The following EPB41 variants were observed in gnomAD, a reference collection of about 807,000 sequenced individuals.
EPB41 encodes the protein erythrocyte membrane protein band 4.1.
Under a neutral mutation model 108.0 loss-of-function variants are expected in EPB41, and 65 were observed. The ratio of observed to expected loss-of-function variants is 0.60; its 90% confidence interval spans 0.49 to 0.74. EPB41 has a LOEUF of 0.74. Ranked by LOEUF, EPB41 falls within the 30% of genes least tolerant of loss-of-function variation. The probability of loss-of-function intolerance (pLI) is 0.00; values close to 1 mark genes in which losing one functional copy is unlikely to be tolerated. For synonymous variants in EPB41, 336 were observed against 358.9 expected (o/e 0.94, Z 0.72); for missense variants, 875 against 1,037.0 (o/e 0.84, Z 2.15).
chr1:29,031,465 T>C (rs965754200), intron 8 of EPB41, among the ~76,000 whole-genome samples: 11 of 152,294 alleles, frequency 7.2e-5, no homozygotes, highest in African/African-American at 2.6e-4. Flanking sequence ...CATGCCTGAA[T>C]CTGAGAACCA....
rs189686966 is a variant in EPB41 at position 29,115,501 on chromosome 1, C to G, written c.2497-198C>G. 9.9e-4 allele frequency among the ~76,000 whole-genome samples: 151 copies of G among 152,322 alleles called. No homozygotes were observed. Among genetic ancestry groups the G allele is most frequent in the South Asian group, 1.7e-3 (8 of 4,832 alleles). ...AAGACAGCGCTAACCTTCCCTGTCC[C>G]TGTGTTATCAGTCCAGAAGCCTCCC... On this transcript the variant is annotated intron_variant, in intron 19 of 20. Coordinates refer to ENST00000343067, the MANE Select transcript of EPB41 (RefSeq NM_001376013.1). This position sits in a 1 kb window ranked among gnomAD's most constrained non-coding sequence, Gnocchi z 4.4.
intron 16 of EPB41, among the ~76,000 whole-genome samples, chr1:29,087,095 C>T (rs1659328704): frequency 6.6e-6 from 1 of 151,756 alleles, no homozygotes; most frequent in Non-Finnish European, 1.5e-5. Flanking sequence ...GCGCCCGCCA[C>T]CATGCCCGGC....
At chr1:29,036,880 C>T (rs1259911464) in intron 10 of EPB41, among the ~76,000 whole-genome samples, 1 of 151,748 alleles carries the variant, frequency 6.6e-6, no homozygotes, top group Non-Finnish European at 1.5e-5. Context: ...CGAGGTTTCA[C>T]TGTGTTAGCC....
At chr1:28,931,691 G>A (rs2093755692) in intron 1 of EPB41, among the ~76,000 whole-genome samples, 1 of 151,678 alleles carries the variant, frequency 6.6e-6, no homozygotes, top group Non-Finnish European at 1.5e-5. Flanking sequence ...ACCACGTCTG[G>A]CTGATTTTTT....
At chr1:29,007,375 G>C (rs751013339) in intron 4 of EPB41, among the ~76,000 whole-genome samples, 1 of 152,114 alleles carries the variant, frequency 6.6e-6, no homozygotes, top group Non-Finnish European at 1.5e-5. Context: ...ACATCTCACC[G>C]TAAACATTTC....
chr1:29,021,166 C>T (rs960020890), intron 7 of EPB41, among the ~76,000 whole-genome samples: 85 of 152,248 alleles, frequency 5.6e-4, no homozygotes, highest in African/African-American at 1.9e-3. Flanking sequence ...GTTAGGACAA[C>T]GGTTCTCAAA....
chr1:28,903,754 T>C (rs1184739721), intron 1 of EPB41, among the ~76,000 whole-genome samples: 1 of 152,104 alleles, frequency 6.6e-6, no homozygotes, highest in Non-Finnish European at 1.5e-5. Context: ...CTCCACTTTA[T>C]AGAAAAGGAA....
intron 11 of EPB41, among the ~76,000 whole-genome samples, chr1:29,045,107 G>A (rs1321058511): frequency 6.6e-6 from 1 of 151,994 alleles, no homozygotes; most frequent in East Asian, 1.9e-4. Flanking sequence ...CTTATATATT[G>A]TAGAATCAGA....
intron 1 of EPB41, among the ~76,000 whole-genome samples, chr1:28,932,307 G>C (rs1442315192): frequency 1.3e-5 from 2 of 152,004 alleles, no homozygotes; most frequent in Non-Finnish European, 2.9e-5. Context: ...ATTTTTAGTA[G>C]AGATGGAGTT....
At chr1:29,030,161 A>C (rs371726800) in intron 7 of EPB41, among the ~76,000 whole-genome samples, 2 of 152,114 alleles carry the variant, frequency 1.3e-5, no homozygotes, top group Non-Finnish European at 2.9e-5. Context: ...TTTTTTTTGC[A>C]GCTTTTTGGT....
Position 29,003,643 on chromosome 1 carries a change from T to C in EPB41, c.786+6324T>C, listed in dbSNP as rs151229108. Among the ~76,000 whole-genome samples, 5 of 152,328 alleles carry C rather than the reference T, an allele frequency of 3.3e-5. No homozygotes were observed. The East Asian group carries it at 9.6e-4, about 29-fold the overall frequency. The stretch of plus-strand genomic sequence containing the variant: ...CTTCTGTCATTAAGAGCTTTGTGCT[T>C]TGTTTGTAGACAATTGAGTACATTT... On this transcript the variant is annotated intron_variant, in intron 4 of 20. Transcript: ENST00000343067.
At chr1:28,901,369 C>T (rs561935574) in intron 1 of EPB41, among the ~76,000 whole-genome samples, 7 of 151,420 alleles carry the variant, frequency 4.6e-5, no homozygotes, top group African/African-American at 1.5e-4. Flanking sequence ...GGACTACAGG[C>T]GTGCGCCACC....
chr1:28,972,602 G>A (rs1349719394), intron 1 of EPB41, among the ~76,000 whole-genome samples: 1 of 151,870 alleles, frequency 6.6e-6, no homozygotes, highest in African/African-American at 2.4e-5. Context: ...AGTATGGCAA[G>A]CAGTTTTTTT....
At chr1:28,967,013 C>CTTTTTTTTTTT in intron 1 of EPB41, among the ~76,000 whole-genome samples, 1 of 85,368 alleles carries the variant, frequency 1.2e-5, no homozygotes, top group African/African-American at 4.7e-5. Flanking sequence ...ATATGAGAAC[C>CTTTTTTTTTTT]TTTTTTTTTT....
In EPB41 at chr1:29,058,630, T is replaced by G; in HGVS notation, c.1887T>G (p.Asn629Lys). 1 of 1,613,892 alleles carries G rather than the reference T, an allele frequency of 6.2e-7. No homozygotes were observed. The highest frequency in any genetic ancestry group is 8.5e-7 in the Non-Finnish European group (1 of 1,179,882). The part of the protein sequence containing the change: ...THIEVTVPTS[N>K]GDQTQKLAEK... ...TCGAGGTGACAGTACCCACCTCAAA[T>G]GGTGACCAAACACAGGTTTGTGCCA... is the stretch of plus-strand genomic sequence containing the variant. Residue 629 changes from asparagine to lysine, a missense_variant, in exon 13 of 21, where the codon AAT (asparagine) becomes AAG (lysine). Coordinates refer to ENST00000343067, the MANE Select transcript of EPB41 (RefSeq NM_001376013.1).
intron 16 of EPB41, chr1:29,070,640 A>T (rs1650898596): frequency 8.1e-7 from 1 of 1,231,986 alleles, no homozygotes; most frequent in East Asian, 3.2e-5. Context: ...GCTCATCTGA[A>T]ATGTCAAGAC....
Position 28,958,776 on chromosome 1 carries a change from G to A in EPB41, c.-7-28655G>A, listed in dbSNP as rs573227417. On this transcript the variant is annotated intron_variant, in intron 1 of 20. Coordinates refer to ENST00000343067, the MANE Select transcript of EPB41 (RefSeq NM_001376013.1). ...GAAGGCTGCAGTGAGCCATAATTGT[G>A]CCACTGCACTCCAGCCTGGGTGACA... 3.3e-4 allele frequency among the ~76,000 whole-genome samples: 40 copies of A among 120,854 alleles called. No homozygotes were observed. The South Asian group carries it at 4.4e-3, about 13-fold the overall frequency. The allele number at this position is 120,854 out of a possible 152,430, so 79.3% of individuals were successfully genotyped here.
chr1:29,075,208 G>A (rs1053642605), intron 16 of EPB41, among the ~76,000 whole-genome samples: 68 of 150,316 alleles, frequency 4.5e-4, no homozygotes, highest in African/African-American at 1.4e-3. Flanking sequence ...GCCAGGTGTG[G>A]TGGCTCATGC....
chr1:29,111,425 G>A (rs1186586077), intron 18 of EPB41, among the ~76,000 whole-genome samples: 1 of 152,000 alleles, frequency 6.6e-6, no homozygotes, highest in African/African-American at 2.4e-5. Context: ...GGGAGGCCGG[G>A]GCGGGCAGAT....
Sources: gnomAD v4.1 joint callset for allele counts (sites outside exome capture counted in the v4.1 genomes callset) on GRCh38, gnomAD v4.1.1 for gene constraint, Gnocchi (gnomAD v3.1) non-coding constraint, MANE v1.5 for transcripts, NCBI Gene and HGNC (gene_info 2026-07-23, HGNC 2026-07-21) for gene names.